Variants in ACOT11 observed in about 807,000 individuals in gnomAD.
ACOT11 encodes acyl-CoA thioesterase 11, also known as acyl-coenzyme A thioesterase 11.
In ACOT11, 69 loss-of-function variants were observed where a neutral mutation model predicts 77.5. The observed-to-expected ratio is 0.89, with a 90% CI of 0.73 to 1.09. ACOT11 has a LOEUF of 1.09. Among genes scored for constraint, ACOT11 ranks in the 50% least tolerant of loss-of-function variants. The pLI is 0.00. For synonymous variants in ACOT11, 279 were observed against 313.0 expected (o/e 0.89, Z 1.15); for missense variants, 766 against 813.7 (o/e 0.94, Z 0.71).
rs1041936772 is a variant in ACOT11 at position 54,626,290 on chromosome 1, GAGAAAAGACA to G, written c.1630-4435_1630-4426del. Among the ~76,000 whole-genome samples, 21 of 151,732 alleles carry G rather than the reference GAGAAAAGACA, an allele frequency of 1.4e-4. No homozygotes were observed. The South Asian group carries it at 4.0e-3, about 29-fold the overall frequency. On this transcript the variant is annotated intron_variant, in intron 15 of 16. Coordinates refer to the ACOT11 transcript ENST00000371316. ...GTTTCAAAAAAAAGAAAAGAAAAAA[GAGAAAAGACA>G]AGAAAAGAAAAGAAAAGAAGTCTAG...
chr1:54,603,936 A>G lies in ACOT11; in HGVS notation c.1151A>G (p.Gln384Arg), dbSNP rs1376027992. ...TCCGTCCCCTGGGACCCTAGCAACCAGGTAAGGCTCTCTGCTCCGAGAGGA... is the reference window on the plus strand; with the variant it reads ...TCCGTCCCCTGGGACCCTAGCAACCGGGTAAGGCTCTCTGCTCCGAGAGGA... ...PLSVPWDPSN[Q>R]VYLSYNNVSS... Residue 384 changes from glutamine (Q) to arginine (R), a missense_variant and splice_region_variant, in exon 11 of 16, where the codon CAG becomes CGG. Physicochemically the swap from Gln to Arg is conservative, Grantham distance 43. Coordinates refer to ENST00000343744, the MANE Select transcript of ACOT11 (RefSeq NM_147161.4). 1.2e-6 allele frequency: 2 copies of G among 1,613,820 alleles called. No homozygotes were observed. Among genetic ancestry groups the G allele is most frequent in the African/African-American group, 2.7e-5 (2 of 74,892 alleles).
Position 54,554,351 on chromosome 1 carries a change from A to ATATATATAT in ACOT11, c.33+6010_33+6011insATATATATT, listed in dbSNP as rs1553161034. Among the ~76,000 whole-genome samples, 19 of 97,250 alleles carry ATATATATAT rather than the reference A, an allele frequency of 2.0e-4. No individual in the cohort carries two copies. The East Asian group carries it at 4.1e-3, about 21-fold the overall frequency. The allele number at this position is 97,250 out of a possible 152,430, so 63.8% of individuals were successfully genotyped here. On this transcript the variant is annotated intron_variant, in intron 1 of 15. Coordinates refer to ENST00000343744, the MANE Select transcript of ACOT11 (RefSeq NM_147161.4). ...TGTGTGTGTATATATATATATATAT[A>ATATATATAT]TTTTTTTTTTTTTTTTTTGAGATGG...
intron 1 of ACOT11, among the ~76,000 whole-genome samples, chr1:54,561,085 TTTTTTA>T (rs763682676): frequency 0.098 from 4,644 of 47,388 alleles, 115 homozygotes; most frequent in Non-Finnish European, 0.16. Flanking sequence ...ATTTTTTATT[TTTTTTA>T]TTTTTTTTTA....
intron 1 of ACOT11, among the ~76,000 whole-genome samples, chr1:54,563,368 G>A (rs140855404): frequency 1.8e-3 from 269 of 152,318 alleles, no homozygotes; most frequent in African/African-American, 6.2e-3. Context: ...ATCGCTCACC[G>A]GCAGAGTGCC....
intron 1 of ACOT11, among the ~76,000 whole-genome samples, chr1:54,583,480 G>T (rs1654391818): frequency 6.6e-6 from 1 of 152,150 alleles, no homozygotes; most frequent in South Asian, 2.1e-4. Flanking sequence ...CACCATTGGG[G>T]CATGCTGCTC....
chr1:54,597,712 T>G, intron 7 of ACOT11: 1 of 411,642 alleles, frequency 2.4e-6, no homozygotes, highest in Non-Finnish European at 4.4e-6. Flanking sequence ...TCAAGCCTTC[T>G]AGTATCTATG....
At chr1:54,577,796 G>T (rs967727547) in intron 1 of ACOT11, among the ~76,000 whole-genome samples, 5 of 152,234 alleles carry the variant, frequency 3.3e-5, no homozygotes, top group African/African-American at 7.2e-5. Flanking sequence ...CACAGGTCCC[G>T]TGAATTTCCT....
At chr1:54,606,020 T>C (rs537659357) in intron 13 of ACOT11, among the ~76,000 whole-genome samples, 1 of 152,242 alleles carries the variant, frequency 6.6e-6, no homozygotes, top group Non-Finnish European at 1.5e-5. Context: ...TGGTGAATTG[T>C]ATTTTGACAA....
exon 17 of ACOT11, chr1:54,634,832 A>C: frequency 1.6e-6 from 1 of 638,624 alleles, no homozygotes; most frequent in Non-Finnish European, 2.8e-6. Context: ...GACTCCAACT[A>C]TCATGAGCAA....
intron 16 of ACOT11, among the ~76,000 whole-genome samples, chr1:54,632,151 C>G (rs1022853802): frequency 6.6e-6 from 1 of 152,036 alleles, no homozygotes. Flanking sequence ...AAGGAAAACA[C>G]TGGGCTAGTC....
chr1:54,548,261 C>G lies in ACOT11; in HGVS notation c.-49C>G. Reference sequence around the variant, plus strand: ...TCAGGCCTGGCTGTTGCTCAGGTGACCAGCTTGTGTCTCTGGGAGGGCGCT... The same window carrying G: ...TCAGGCCTGGCTGTTGCTCAGGTGAGCAGCTTGTGTCTCTGGGAGGGCGCT... On this transcript the variant is annotated 5_prime_UTR_variant, in exon 1 of 16. Coordinates refer to ENST00000343744, the MANE Select transcript of ACOT11 (RefSeq NM_147161.4). 3.8e-6 allele frequency: 6 copies of G among 1,573,148 alleles called. No individual in the cohort carries two copies. The highest frequency in any genetic ancestry group is 5.2e-6 in the Non-Finnish European group (6 of 1,159,424).
chr1:54,615,116 A>G (rs1039117465), downstream of ACOT11, among the ~76,000 whole-genome samples: 2 of 152,128 alleles, frequency 1.3e-5, no homozygotes, highest in Non-Finnish European at 2.9e-5. Flanking sequence ...GAGGCCAGGT[A>G]AGGACTTGGG....
chr1:54,554,353 T>TATATATATA lies in ACOT11; in HGVS notation c.33+6011_33+6012insATATATATA, dbSNP rs1557644014. 3.2e-3 allele frequency among the ~76,000 whole-genome samples: 107 copies of TATATATATA among 33,414 alleles called. 2 individuals carry two copies. Among genetic ancestry groups the TATATATATA allele is most frequent in the Non-Finnish European group, 6.4e-3 (84 of 13,068 alleles). 21.9% of individuals were successfully genotyped at this position (33,414 alleles called of 152,430 possible). On this transcript the variant is annotated intron_variant, in intron 1 of 15. Coordinates refer to ENST00000343744, the MANE Select transcript of ACOT11 (RefSeq NM_147161.4). The stretch of plus-strand genomic sequence containing the variant: ...TGTGTGTATATATATATATATATAT[T>TATATATATA]TTTTTTTTTTTTTTTTGAGATGGAG...
At position 54,607,459 on chromosome 1, in the gene ACOT11, C is replaced by T. The variant is rs922561445; in HGVS notation, c.1502+194C>T. The stretch of plus-strand genomic sequence containing the variant: ...GGGTAAAATGAGGGATAGGGGCACA[C>T]ATTTCCCCTCTTGTCGCATTCCCTA... On this transcript the variant is annotated intron_variant, in intron 14 of 15. Coordinates refer to ENST00000343744, the MANE Select transcript of ACOT11 (RefSeq NM_147161.4). The surrounding 1 kb of genome is among the most constrained non-coding windows in gnomAD (Gnocchi z 4.5). Among the ~76,000 whole-genome samples, 5 of 152,134 alleles carry T rather than the reference C, an allele frequency of 3.3e-5. No homozygotes were observed. Among genetic ancestry groups the T allele is most frequent in the African/African-American group, 1.2e-4 (5 of 41,414 alleles).
intron 1 of ACOT11, among the ~76,000 whole-genome samples, chr1:54,548,832 A>G (rs757085487): frequency 7.9e-5 from 12 of 152,144 alleles, no homozygotes; most frequent in Non-Finnish European, 1.8e-4. Context: ...GAGAGCAAGC[A>G]CAGGATCACA....
At position 54,601,429 on chromosome 1, in the gene ACOT11, G is replaced by GCCCTGCCCCACCAGCAGCT; in HGVS notation, c.1029+20_1029+38dup. The GCCCTGCCCCACCAGCAGCT allele has an allele frequency of 6.2e-7, 1 of 1,607,554 alleles. No homozygotes were observed. The highest frequency in any genetic ancestry group is 8.5e-7 in the Non-Finnish European group (1 of 1,178,414). ...CCAGCCCGGCGTAAGTGGGACCAGC[G>GCCCTGCCCCACCAGCAGCT]CCCTGCCCCACCAGCAGCTCCCCTC... On this transcript the variant is annotated intron_variant, in intron 9 of 15. Coordinates refer to ENST00000343744, the MANE Select transcript of ACOT11 (RefSeq NM_147161.4).
intron 15 of ACOT11, chr1:54,630,655 T>G: frequency 1.8e-6 from 1 of 543,390 alleles, no homozygotes; most frequent in Non-Finnish European, 3.4e-6. Flanking sequence ...TTCCGGGCTC[T>G]CAGCTCTGAA....
intron 4 of ACOT11, 142 bp from the exon 5 acceptor site, chr1:54,593,799 G>A (rs773137503): frequency 2.6e-4 from 174 of 681,524 alleles, no homozygotes; most frequent in Admixed American, 1.2e-3. Flanking sequence ...TCAGATCTCT[G>A]GCCTCCCAGA....
At chr1:54,588,936 T>A (rs1654606923) in intron 3 of ACOT11, among the ~76,000 whole-genome samples, 1 of 152,202 alleles carries the variant, frequency 6.6e-6, no homozygotes, top group Admixed American at 6.5e-5. Flanking sequence ...TGAGGAAAGA[T>A]TAAGAAGTTT....
Sources: allele counts gnomAD v4.1 joint callset (sites outside exome capture counted in the v4.1 genomes callset), GRCh38; gene constraint gnomAD v4.1.1; non-coding constraint Gnocchi (gnomAD v3.1); transcripts MANE v1.5; gene names NCBI Gene and HGNC (gene_info 2026-07-23, HGNC 2026-07-21).